IVD: variants seen among roughly 807,000 people sequenced by gnomAD.
IVD encodes isovaleryl-CoA dehydrogenase.
A neutral mutation model predicts 51.3 loss-of-function variants in IVD; 31 were observed. That is an observed-to-expected ratio of 0.60 (90% confidence interval 0.45 to 0.81). The LOEUF is 0.81. Ranked by LOEUF, IVD falls within the 40% of genes least tolerant of loss-of-function variation. IVD has a pLI of 0.00. For missense variants in IVD, 475 were observed against 552.0 expected (o/e 0.86, Z 1.40); for synonymous variants, 205 against 219.4 (o/e 0.93, Z 0.58).
chr15:40,410,816 A>G lies in IVD; in HGVS notation c.456+19A>G. On this transcript the variant is annotated intron_variant, in intron 4 of 11. Transcript: ENST00000487418. ...CCCGAAGGTGAGGAAATGGAAATGTAATACACGCTAATCTCACAGTGCAAC... is the reference window on the plus strand; with the variant it reads ...CCCGAAGGTGAGGAAATGGAAATGTGATACACGCTAATCTCACAGTGCAAC... 1.9e-6 allele frequency: 3 copies of G among 1,613,356 alleles called. No homozygotes were observed. The highest frequency in any genetic ancestry group is 2.2e-5 in the South Asian group (2 of 90,966).
rs1487575020 is a variant in IVD, at chr15:40,419,131, T to C, written c.*868T>C. The C allele has an allele frequency of 7.8e-7, 1 of 1,288,162 alleles. No individual in the cohort carries two copies. The highest frequency in any genetic ancestry group is 1.0e-6 in the Non-Finnish European group (1 of 988,322). The allele number at this position is 1,288,162 out of a possible 1,614,324, so 79.8% of individuals were successfully genotyped here. ...AGCCTGGGCGACAAGAGCAAAACTC[T>C]TCAAAAAACAAAACAAAACAAAAAA... On this transcript the variant is annotated 3_prime_UTR_variant, in exon 12 of 12. Coordinates refer to ENST00000487418, the MANE Select transcript of IVD (RefSeq NM_002225.5).
At chr15:40,423,440 T>C (rs1024002135), downstream of IVD, among the ~76,000 whole-genome samples, 3 of 152,204 alleles carry the variant, frequency 2.0e-5, no homozygotes, top group Non-Finnish European at 4.4e-5. Flanking sequence ...TTGATTTAAT[T>C]GTAAGCACTT....
chr15:40,426,225 T>A (rs988595673), downstream of IVD, among the ~76,000 whole-genome samples: 7 of 152,148 alleles, frequency 4.6e-5, no homozygotes, highest in African/African-American at 1.7e-4. Context: ...TTTGGGCTGT[T>A]TCCAGTTTGG....
chr15:40,429,648 G>A lies in IVD; in HGVS notation c.720-4206G>A, dbSNP rs143058679. Among the ~76,000 whole-genome samples the A allele has an allele frequency of 3.8e-3, 576 of 152,220 alleles. 3 individuals carry two copies. Among genetic ancestry groups the A allele is most frequent in the Admixed American group, 7.2e-3 (110 of 15,286 alleles). On this transcript the variant is annotated intron_variant, in intron 7 of 8. Coordinates refer to the IVD transcript ENST00000473112. ...AGGCTGCAGGGAGGATAACTTCTTCGCCCTCCACCAACCTTATCTAGATGA... is the reference window on the plus strand; with the variant it reads ...AGGCTGCAGGGAGGATAACTTCTTCACCCTCCACCAACCTTATCTAGATGA...
At chr15:40,407,503 G>T in intron 1 of IVD, 133 bp from the exon 2 acceptor site, 2 of 752,776 alleles carry the variant, frequency 2.7e-6, no homozygotes, top group Non-Finnish European at 4.9e-6. Context: ...CTCTGAGGAG[G>T]CATAAACTAC....
At chr15:40,424,007 C>A, downstream of IVD, 1 of 378,962 alleles carries the variant, frequency 2.6e-6, no homozygotes, top group Non-Finnish European at 4.7e-6. Context: ...GTTACTCTTG[C>A]AGGGGGCCGT....
chr15:40,425,496 A>AT (rs1457723790), downstream of IVD, among the ~76,000 whole-genome samples: 2 of 146,080 alleles, frequency 1.4e-5, no homozygotes, highest in Non-Finnish European at 3.0e-5. Context: ...TTGGCTCATC[A>AT]TTGTATAGTT....
At chr15:40,414,397 G>C (rs951724294) in intron 7 of IVD, 2 of 187,540 alleles carry the variant, frequency 1.1e-5, no homozygotes, top group African/African-American at 2.3e-5. Context: ...GGCTTTACTG[G>C]GTGGAGAGGT....
At chr15:40,427,960 T>C (rs1892766361), downstream of IVD, among the ~76,000 whole-genome samples, 1 of 152,068 alleles carries the variant, frequency 6.6e-6, no homozygotes, top group African/African-American at 2.4e-5. Flanking sequence ...GGCGGGCAGA[T>C]CACCTGAGGT....
intron 7 of IVD, among the ~76,000 whole-genome samples, chr15:40,433,576 G>A (rs897198024): frequency 6.6e-5 from 10 of 152,104 alleles, no homozygotes; most frequent in Non-Finnish European, 1.2e-4. Flanking sequence ...ATATCTGAGC[G>A]GACAAGTGTT....
chr15:40,424,056 C>T (rs565479823), downstream of IVD: 35 of 883,486 alleles, frequency 4.0e-5, no homozygotes, highest in Middle Eastern at 2.7e-4. Context: ...ACCACCCAGC[C>T]ACTCTCAGAG....
At position 40,415,830 on chromosome 15, in the gene IVD, G is replaced by T. The variant is rs115367385; in HGVS notation, c.961-248G>T. Among the ~76,000 whole-genome samples, 507 of 152,338 alleles carry T rather than the reference G, an allele frequency of 3.3e-3. 3 individuals carry two copies. The highest frequency in any genetic ancestry group is 0.012 in the African/African-American group (482 of 41,572). ...AAGGTAATAAGCATTGGAGTAAATG[G>T]TGCCTTGGGAGCCATGCCTTTCGGA... is the stretch of plus-strand genomic sequence containing the variant. On this transcript the variant is annotated intron_variant, in intron 9 of 11. Coordinates refer to ENST00000487418, the MANE Select transcript of IVD (RefSeq NM_002225.5).
rs1345467970 is a variant in IVD at position 40,416,338 on chromosome 15, G to T, written c.1114G>T (p.Ala372Ser). Residue 372 changes from alanine to serine, a missense_variant, in exon 11 of 12, where the codon GCC (alanine) becomes TCC (serine). Physicochemically the swap from Ala to Ser is moderately conservative, Grantham distance 99. Coordinates refer to ENST00000487418, the MANE Select transcript of IVD (RefSeq NM_002225.5). ...LYSAECATQVALDGIQCFGGN... is the reference protein window; with the variant it reads ...LYSAECATQVSLDGIQCFGGN... Reference sequence around the variant, plus strand: ...CTCAGCTGAGTGTGCCACACAGGTAGCCCTGGACGGCATTCAGTGTTTTGG... The same window carrying T: ...CTCAGCTGAGTGTGCCACACAGGTATCCCTGGACGGCATTCAGTGTTTTGG... 4 of 1,614,054 alleles carry T rather than the reference G, an allele frequency of 2.5e-6. No homozygotes were observed. The highest frequency in any genetic ancestry group is 8.5e-7 in the Non-Finnish European group (1 of 1,180,048).
chr15:40,409,812 C>A (rs1178086944), intron 3 of IVD, among the ~76,000 whole-genome samples: 1 of 151,814 alleles, frequency 6.6e-6, no homozygotes, highest in African/African-American at 2.4e-5. Context: ...GCTCTCCTGT[C>A]CTGTCACCAG....
intron 3 of IVD, among the ~76,000 whole-genome samples, chr15:40,408,944 C>T (rs540145344): frequency 7.9e-5 from 12 of 151,706 alleles, no homozygotes; most frequent in Middle Eastern, 3.4e-3. Context: ...AGCGAAACTC[C>T]GTTTCAAAAA....
At chr15:40,430,426 T>C (rs978439240) in intron 7 of IVD, among the ~76,000 whole-genome samples, 1 of 152,190 alleles carries the variant, frequency 6.6e-6, no homozygotes, top group Non-Finnish European at 1.5e-5. Context: ...GCCTCCTGGC[T>C]GGGGCGGCAA....
At chr15:40,427,033 A>G (rs900969102), downstream of IVD, among the ~76,000 whole-genome samples, 16 of 152,234 alleles carry the variant, frequency 1.1e-4, no homozygotes, top group Admixed American at 9.8e-4. Context: ...ACGAGAGAGT[A>G]AGGGCTGGAT....
intron 11 of IVD, among the ~76,000 whole-genome samples, chr15:40,417,315 C>T (rs1891807877): frequency 1.3e-5 from 2 of 151,730 alleles, no homozygotes; most frequent in Admixed American, 6.6e-5. Flanking sequence ...CGAGACCAGC[C>T]TGACCAACGT....
At chr15:40,426,141 AT>A (rs1892660053), downstream of IVD, among the ~76,000 whole-genome samples, 1 of 151,606 alleles carries the variant, frequency 6.6e-6, no homozygotes, top group African/African-American at 2.4e-5. Flanking sequence ...AATCTCTTCA[AT>A]TTTTTTTCTT....
Sources: gnomAD v4.1 joint callset for allele counts (sites outside exome capture counted in the v4.1 genomes callset) on GRCh38, gnomAD v4.1.1 for gene constraint, MANE v1.5 for transcripts, NCBI Gene and HGNC (gene_info 2026-07-23, HGNC 2026-07-21) for gene names.